The following PRKACB variants were observed in gnomAD, a reference collection of about 807,000 sequenced individuals.
The protein encoded by PRKACB is protein kinase cAMP-activated catalytic subunit beta.
PRKACB carries 16 observed loss-of-function variants against 51.4 expected under a neutral mutation model. That is an observed-to-expected ratio of 0.31 (90% CI 0.21 to 0.47). The LOEUF (loss-of-function observed/expected upper bound fraction) is 0.47, where lower values mean the gene tolerates loss of function less well. Among genes scored for constraint, PRKACB ranks in the 20% least tolerant of loss-of-function variants. PRKACB has a pLI of 1.00. For missense variants in PRKACB, 309 were observed against 464.5 expected, an observed-to-expected ratio of 0.67 and a Z score of 3.08; for synonymous variants, 147 against 154.4, an observed-to-expected ratio of 0.95 and a Z score of 0.35.
chr1:84,103,780 T>A (rs1649526320), intron 1 of PRKACB, among the ~76,000 whole-genome samples: 1 of 152,238 alleles, frequency 6.6e-6, no homozygotes, highest in African/African-American at 2.4e-5. Flanking sequence ...AGAAAAATTC[T>A]ATCACCTGCC....
chr1:84,116,462 C>T (rs1650642366), intron 1 of PRKACB, among the ~76,000 whole-genome samples: 2 of 151,990 alleles, frequency 1.3e-5, no homozygotes, highest in African/African-American at 4.8e-5. Flanking sequence ...AGTACTAATT[C>T]TAATTCATGA....
intron 1 of PRKACB, among the ~76,000 whole-genome samples, chr1:84,129,248 T>G (rs1027287418): frequency 6.6e-6 from 1 of 152,146 alleles, no homozygotes; most frequent in Non-Finnish European, 1.5e-5. Context: ...TTTACTATAC[T>G]TTGAGATATA....
intron 9 of PRKACB, among the ~76,000 whole-genome samples, chr1:84,219,084 A>G (rs916787803): frequency 6.6e-6 from 1 of 152,184 alleles, no homozygotes; most frequent in East Asian, 1.9e-4. Context: ...CTCCCATTCA[A>G]CAGGTTGTCT....
chr1:84,116,869 T>TA (rs774835246), intron 1 of PRKACB, among the ~76,000 whole-genome samples: 2 of 152,124 alleles, frequency 1.3e-5, no homozygotes, highest in Non-Finnish European at 2.9e-5. Flanking sequence ...TAATAGTAGT[T>TA]AAAGTGGGCA....
intron 1 of PRKACB, among the ~76,000 whole-genome samples, chr1:84,102,128 T>C (rs1334475882): frequency 6.6e-6 from 1 of 151,900 alleles, no homozygotes; most frequent in Non-Finnish European, 1.5e-5. Flanking sequence ...CCCAGCACTT[T>C]GGGAGGCCGA....
chr1:84,112,610 T>C (rs534357312), intron 1 of PRKACB, among the ~76,000 whole-genome samples: 46 of 152,280 alleles, frequency 3.0e-4, no homozygotes, highest in African/African-American at 1.1e-3. Context: ...ATCCATTCCA[T>C]ATGTACTCAA....
Position 84,170,433 on chromosome 1 carries a change from A to G in PRKACB, c.188-8744A>G, listed in dbSNP as rs1659061231. Among the ~76,000 whole-genome samples, 6 of 151,618 alleles carry G rather than the reference A, an allele frequency of 4.0e-5. No homozygotes were observed. The Admixed American group carries it at 4.0e-4, about 10-fold the overall frequency. On this transcript the variant is annotated intron_variant, in intron 1 of 9. Coordinates refer to ENST00000370685, the MANE Select transcript of PRKACB (RefSeq NM_182948.4). ...AGGATGCCTCTCCTGAGAATTTTTA[A>G]TCAAGTGCCTCCTCTCAAGCAGGTT...
chr1:84,214,470 TA>T (rs1672587270), intron 9 of PRKACB, among the ~76,000 whole-genome samples, 153 bp downstream of exon 9: 2 of 150,998 alleles, frequency 1.3e-5, no homozygotes, highest in African/African-American at 4.9e-5. Context: ...GCCCATAACT[TA>T]AAAATGAGTT....
upstream of PRKACB, among the ~76,000 whole-genome samples, chr1:84,139,528 G>A (rs1406958609): frequency 6.6e-6 from 1 of 152,172 alleles, no homozygotes; most frequent in Admixed American, 6.5e-5. Flanking sequence ...TTATGTGCAA[G>A]ATCTGTGTGT....
intron 1 of PRKACB, among the ~76,000 whole-genome samples, chr1:84,148,154 C>T (rs544753056): frequency 5.9e-5 from 9 of 152,244 alleles, no homozygotes; most frequent in South Asian, 2.1e-4. Context: ...AGTGCTTGTT[C>T]AAGTTGCTGC....
intron 9 of PRKACB, among the ~76,000 whole-genome samples, chr1:84,234,326 A>G (rs1042840839): frequency 6.6e-6 from 1 of 152,222 alleles, no homozygotes; most frequent in Non-Finnish European, 1.5e-5. Context: ...AAGCTGTCAG[A>G]CAGGGACATT....
intron 9 of PRKACB, among the ~76,000 whole-genome samples, chr1:84,219,284 G>T (rs1673335564): frequency 6.6e-6 from 1 of 151,384 alleles, no homozygotes; most frequent in Non-Finnish European, 1.5e-5. Context: ...GAGTGCAACG[G>T]TACAATCTCG....
chr1:84,148,879 T>C (rs138875166), intron 1 of PRKACB, among the ~76,000 whole-genome samples: 1 of 152,322 alleles, frequency 6.6e-6, no homozygotes, highest in Admixed American at 6.5e-5. Context: ...TACTTGCTTG[T>C]GCTTTGCAAA....
upstream of PRKACB, among the ~76,000 whole-genome samples, chr1:84,141,900 T>C (rs938881467): frequency 1.3e-5 from 2 of 152,080 alleles, no homozygotes; most frequent in African/African-American, 4.8e-5. Flanking sequence ...GAAGTCCACA[T>C]TGGCACTGAG....
At chr1:84,122,693 A>G (rs1651182709) in intron 1 of PRKACB, among the ~76,000 whole-genome samples, 3 of 152,230 alleles carry the variant, frequency 2.0e-5, no homozygotes. Context: ...GTGAATTAAA[A>G]GGACGTTTTG....
chr1:84,161,119 G>A (rs141535962), intron 1 of PRKACB, among the ~76,000 whole-genome samples: 50 of 151,714 alleles, frequency 3.3e-4, no homozygotes, highest in African/African-American at 9.4e-4. Flanking sequence ...AATTCTGTCC[G>A]TTTTTATTTT....
intron 1 of PRKACB, among the ~76,000 whole-genome samples, chr1:84,147,851 GATTTAAACTT>G (rs748929257): frequency 1.5e-4 from 23 of 152,208 alleles, no homozygotes; most frequent in Non-Finnish European, 2.9e-4. Flanking sequence ...TTAGGTTCTG[GATTTAAACTT>G]TAAAAGTTTT....
intron 1 of PRKACB, among the ~76,000 whole-genome samples, chr1:84,128,742 T>G (rs1052593572): frequency 2.6e-5 from 4 of 152,190 alleles, no homozygotes; most frequent in Admixed American, 2.6e-4. Context: ...AACCAAAGAT[T>G]ATAGAGGTAA....
At chr1:84,084,679 G>A (rs1647822976) in intron 1 of PRKACB, among the ~76,000 whole-genome samples, 1 of 152,092 alleles carries the variant, frequency 6.6e-6, no homozygotes, top group Admixed American at 6.5e-5. Context: ...ATTGCATGTG[G>A]GAAATGAGGA....
Sources: gnomAD v4.1 joint callset for allele counts (sites outside exome capture counted in the v4.1 genomes callset) on GRCh38, gnomAD v4.1.1 for gene constraint, MANE v1.5 for transcripts, NCBI Gene and HGNC (gene_info 2026-07-23, HGNC 2026-07-21) for gene names.